Variants in TRIM71 observed in about 807,000 individuals in gnomAD.
TRIM71 encodes E3 ubiquitin-protein ligase TRIM71.
Under a neutral mutation model 61.2 loss-of-function variants are expected in TRIM71, and 9 were observed. The observed-to-expected ratio is 0.15, with a 90% CI of 0.09 to 0.26. The LOEUF is 0.26. Among genes scored for constraint, TRIM71 ranks in the 10% least tolerant of loss-of-function variants. The probability of loss-of-function intolerance (pLI) is 1.00; values close to 1 mark genes in which losing one functional copy is unlikely to be tolerated. For synonymous variants in TRIM71, 645 were observed against 553.2 expected, an observed-to-expected ratio of 1.17 and a Z score of -2.33; for missense variants, 998 against 1,238.7, an observed-to-expected ratio of 0.81 and a Z score of 2.92.
rs141683448 is a variant in TRIM71 at position 32,881,924 on chromosome 3, T to C, written c.1021-4010T>C. 3.6e-3 allele frequency among the ~76,000 whole-genome samples: 544 copies of C among 152,344 alleles called. 2 individuals carry two copies. Among genetic ancestry groups the C allele is most frequent in the African/African-American group, 0.012 (518 of 41,570 alleles). The stretch of plus-strand genomic sequence containing the variant: ...CTTTTGTGACTCTCAGCCCAAGGAA[T>C]ATCTTTGCATGCTTGCTGATTATTA... On this transcript the variant is annotated intron_variant, in intron 2 of 3. Coordinates refer to ENST00000383763, the MANE Select transcript of TRIM71 (RefSeq NM_001039111.3).
At chr3:32,825,738 G>A (rs1417744195) in intron 1 of TRIM71, among the ~76,000 whole-genome samples, 1 of 152,190 alleles carries the variant, frequency 6.6e-6, no homozygotes, top group Admixed American at 6.5e-5. Flanking sequence ...CCTTAAGGGA[G>A]CAAGATGCCA....
intron 2 of TRIM71, among the ~76,000 whole-genome samples, chr3:32,879,383 T>A (rs927943499): frequency 5.3e-5 from 8 of 152,352 alleles, no homozygotes; most frequent in Non-Finnish European, 1.2e-4. Flanking sequence ...GGCCTAGCTT[T>A]CAGCCTGTCT....
intron 1 of TRIM71, among the ~76,000 whole-genome samples, chr3:32,836,229 C>T (rs1309773099): frequency 6.6e-6 from 1 of 152,136 alleles, no homozygotes; most frequent in East Asian, 1.9e-4. Flanking sequence ...CATTTCCTCC[C>T]TCCCCACCCC....
chr3:32,829,079 C>T (rs377612010), intron 1 of TRIM71, among the ~76,000 whole-genome samples: 11 of 152,026 alleles, frequency 7.2e-5, no homozygotes, highest in African/African-American at 2.4e-4. Flanking sequence ...CTGCAACCTC[C>T]GCTTCCCAGG....
intron 1 of TRIM71, among the ~76,000 whole-genome samples, chr3:32,844,468 C>T (rs1228856288): frequency 6.6e-6 from 1 of 152,150 alleles, no homozygotes. Flanking sequence ...GTGATCACAG[C>T]TCACCGGAGC....
chr3:32,843,680 C>T (rs1696436992), intron 1 of TRIM71, among the ~76,000 whole-genome samples: 1 of 152,196 alleles, frequency 6.6e-6, no homozygotes. Flanking sequence ...CGCCTGCGTG[C>T]TTATCCCGTT....
chr3:32,846,457 G>A (rs1696476182), intron 1 of TRIM71, among the ~76,000 whole-genome samples: 1 of 152,028 alleles, frequency 6.6e-6, no homozygotes, highest in African/African-American at 2.4e-5. Context: ...CATACATTGT[G>A]GAATGATTAT....
chr3:32,830,963 A>G (rs1696264103), intron 1 of TRIM71, among the ~76,000 whole-genome samples: 1 of 152,114 alleles, frequency 6.6e-6, no homozygotes, highest in Non-Finnish European at 1.5e-5. Flanking sequence ...GGCGCCCGCC[A>G]CCACGCCTAG....
chr3:32,848,572 T>A (rs1696503458), intron 1 of TRIM71, among the ~76,000 whole-genome samples: 1 of 152,202 alleles, frequency 6.6e-6, no homozygotes, highest in Non-Finnish European at 1.5e-5. Flanking sequence ...AATACTGTTT[T>A]CTTTTTATGG....
intron 3 of TRIM71, among the ~76,000 whole-genome samples, chr3:32,887,360 C>T (rs367675810): frequency 1.3e-5 from 2 of 152,092 alleles, no homozygotes; most frequent in East Asian, 3.9e-4. Context: ...TAAGCAGTTT[C>T]TGCTTGCCCA....
chr3:32,863,791 C>T (rs761370386), intron 1 of TRIM71, among the ~76,000 whole-genome samples: 6 of 151,982 alleles, frequency 3.9e-5, no homozygotes, highest in African/African-American at 9.7e-5. Context: ...AAGCAATTCT[C>T]CTGCCTCAGC....
chr3:32,869,807 G>A (rs71325117), intron 1 of TRIM71, among the ~76,000 whole-genome samples: 1 of 152,208 alleles, frequency 6.6e-6, no homozygotes, highest in Admixed American at 6.5e-5. Flanking sequence ...GGGCAGGGAA[G>A]AGGGTGGTCA....
Position 32,890,899 on chromosome 3 carries a change from A to G in TRIM71, c.1695A>G (p.Thr565=). 6.2e-7 allele frequency: 1 copy of G among 1,614,210 alleles called. No individual in the cohort carries two copies. The highest frequency in any genetic ancestry group is 8.5e-7 in the Non-Finnish European group (1 of 1,180,040). Reference sequence around the variant, plus strand: ...AGGGTGAGCACCTGGTATCTGTGACACTGTGCAACCAGCACATTGAGAACA... The same window carrying G: ...AGGGTGAGCACCTGGTATCTGTGACGCTGTGCAACCAGCACATTGAGAACA... ...QLEGEHLVSV[T]LCNQHIENSP... Residue 565 remains threonine, a synonymous_variant, in exon 4 of 4, where the codon ACA becomes ACG. Transcript: ENST00000383763. This position sits in a 1 kb window ranked among gnomAD's most constrained non-coding sequence, Gnocchi z 6.2.
intron 1 of TRIM71, among the ~76,000 whole-genome samples, chr3:32,861,481 C>G (rs577512833): frequency 1.3e-5 from 2 of 151,714 alleles, no homozygotes; most frequent in Non-Finnish European, 2.9e-5. Flanking sequence ...GCCTGTAATC[C>G]AAACACCTCG....
In TRIM71 at chr3:32,846,412, A is replaced by G. The variant is rs569630241; in HGVS notation, c.853-27406A>G. On this transcript the variant is annotated intron_variant, in intron 1 of 3. Coordinates refer to ENST00000383763, the MANE Select transcript of TRIM71 (RefSeq NM_001039111.3). ...TTTTAAATTGGCATAATAACTGTAT[A>G]TGTTTAGGGGGTACAATGTGATGTT... 8.1e-4 allele frequency among the ~76,000 whole-genome samples: 123 copies of G among 152,264 alleles called. 1 individual carries two copies. The highest frequency in any genetic ancestry group is 2.9e-3 in the African/African-American group (120 of 41,540).
chr3:32,827,104 G>T lies in TRIM71; in HGVS notation c.852+8172G>T, dbSNP rs537072091. ...TAGTGAAGCTATAAATTATCAGTTG[G>T]CACAAAAAATTAGCAGTCAGTTGTA... On this transcript the variant is annotated intron_variant, in intron 1 of 3. Coordinates refer to ENST00000383763, the MANE Select transcript of TRIM71 (RefSeq NM_001039111.3). Among the ~76,000 whole-genome samples the T allele has an allele frequency of 2.0e-5, 3 of 151,990 alleles. No homozygotes were observed. In the East Asian group the frequency reaches 5.8e-4, roughly 29 times the overall value.
chr3:32,832,564 A>ATAGG (rs1491447306), intron 1 of TRIM71, among the ~76,000 whole-genome samples: 3 of 152,226 alleles, frequency 2.0e-5, no homozygotes, highest in African/African-American at 7.2e-5. Flanking sequence ...GGTGACACAC[A>ATAGG]TAGGTGTTCC....
At chr3:32,829,945 T>TTTTTTTTTTTTTTTTTTTTTTTTTTC (rs1553643480) in intron 1 of TRIM71, among the ~76,000 whole-genome samples, 1 of 141,212 alleles carries the variant, frequency 7.1e-6, no homozygotes. Context: ...TTTTTTTTTT[T>TTTTTTTTTTTTTTTTTTTTTTTTTTC]CGAGATGGAG....
intron 1 of TRIM71, among the ~76,000 whole-genome samples, chr3:32,831,774 T>C (rs1696274316): frequency 1.3e-5 from 2 of 152,140 alleles, no homozygotes; most frequent in Admixed American, 6.6e-5. Context: ...TGACCTCAAG[T>C]GATCTGCCCT....
Sources: allele counts gnomAD v4.1 joint callset (sites outside exome capture counted in the v4.1 genomes callset), GRCh38; gene constraint gnomAD v4.1.1; non-coding constraint Gnocchi (gnomAD v3.1); transcripts MANE v1.5; gene names NCBI Gene and HGNC (gene_info 2026-07-23, HGNC 2026-07-21).